The following EXD1 variants were observed in gnomAD, a reference collection of about 807,000 sequenced individuals.
EXD1 encodes exonuclease 3'-5' domain containing 1.
Under a neutral mutation model 49.1 loss-of-function variants are expected in EXD1, and 63 were observed. The ratio of observed to expected loss-of-function variants is 1.28; its 90% confidence interval spans 1.05 to 1.58. The LOEUF is 1.58. EXD1 is among the 40% of genes most tolerant of loss of function. The pLI, the probability that EXD1 is intolerant of heterozygous loss-of-function variation, is 0.00. For missense variants in EXD1, 748 were observed against 666.0 expected, an observed-to-expected ratio of 1.12 and a Z score of -1.36; for synonymous variants, 234 against 239.2, an observed-to-expected ratio of 0.98 and a Z score of 0.20.
intron 7 of EXD1, among the ~76,000 whole-genome samples, chr15:41,198,374 A>G (rs1208198917): frequency 6.6e-6 from 1 of 152,144 alleles, no homozygotes; most frequent in African/African-American, 2.4e-5. Flanking sequence ...ATTTATGCCT[A>G]CATAATGAAG....
In EXD1 at chr15:41,219,835, A is replaced by G; in HGVS notation, c.197T>C (p.Val66Ala). Residue 66 changes from valine (V) to alanine (A), a missense_variant, in exon 3 of 12, where the codon GTG becomes GCG. Coordinates refer to ENST00000458580, the MANE Select transcript of EXD1 (RefSeq NM_001286441.2). ...AAGGAACATGGGGGTCTCACCATTC[A>G]CAATCTCATGCCCAAAAAACAACTT... The part of the protein sequence containing the change: ...GVKLFFGHEI[V>A]NVELLDEVEQ... The G allele has an allele frequency of 6.5e-7, 1 of 1,535,666 alleles. No homozygotes were observed. The highest frequency in any genetic ancestry group is 1.2e-5 in the South Asian group (1 of 84,020).
intron 2 of EXD1, among the ~76,000 whole-genome samples, chr15:41,224,584 A>AT (rs1237678572): frequency 6.6e-6 from 1 of 152,056 alleles, no homozygotes; most frequent in Admixed American, 6.6e-5. Context: ...CCCTTCCCCC[A>AT]TAAAAAAAAG....
At chr15:41,199,065 T>C (rs888232884) in intron 7 of EXD1, among the ~76,000 whole-genome samples, 1 of 151,972 alleles carries the variant, frequency 6.6e-6, no homozygotes, top group Admixed American at 6.6e-5. Context: ...CTGGGAGCAA[T>C]TCTCCTGCCT....
At chr15:41,188,233 G>A (rs898035934) in intron 11 of EXD1, among the ~76,000 whole-genome samples, 1 of 151,536 alleles carries the variant, frequency 6.6e-6, no homozygotes, top group Non-Finnish European at 1.5e-5. Flanking sequence ...TCATGAGCTG[G>A]AGAAAACAGT....
Position 41,209,547 on chromosome 15 carries a change from G to C in EXD1, c.488C>G (p.Ala163Gly). ...IKKQNVLSVA[A>G]EGANVCRHGK... The stretch of plus-strand genomic sequence containing the variant: ...ATGGCGACATACATTCGCTCCTTCT[G>C]CTGCCACACTCAGGACATTCTGCTT... Residue 163 changes from alanine (A) to glycine (G), a missense_variant, in exon 7 of 12, where the codon GCA (alanine) becomes GGA (glycine). Coordinates refer to ENST00000458580, the MANE Select transcript of EXD1 (RefSeq NM_001286441.2). 6.2e-7 allele frequency: 1 copy of C among 1,614,158 alleles called. No homozygotes were observed. Among genetic ancestry groups the C allele is most frequent in the Non-Finnish European group, 8.5e-7 (1 of 1,180,036 alleles).
At chr15:41,186,302 T>A (rs2046406867) in intron 11 of EXD1, among the ~76,000 whole-genome samples, 1 of 151,804 alleles carries the variant, frequency 6.6e-6, no homozygotes, top group African/African-American at 2.4e-5. Flanking sequence ...CCAAACCCCA[T>A]CTCTACTAAA....
rs1271791721 is a variant in EXD1 at position 41,184,165 on chromosome 15, A to T, written c.1485T>A (p.Phe495Leu). Residue 495 changes from phenylalanine (F) to leucine (L), a missense_variant, in exon 12 of 12, where the codon TTT becomes TTA. Physicochemically the swap from Phe to Leu is conservative, Grantham distance 22. Transcript: ENST00000458580. ...CCTCTTTCAAAGATAAACTTGCCTG[A>T]AACTCATGTTTGGGTGTCATAAAGT... ...KEHFMTPKHE[F>L]QASLSLKEET... The T allele has an allele frequency of 1.2e-6, 2 of 1,614,094 alleles. No homozygotes were observed. The highest frequency in any genetic ancestry group is 2.2e-5 in the East Asian group (1 of 44,894).
At chr15:41,212,221 G>A (rs887009484) in intron 6 of EXD1, among the ~76,000 whole-genome samples, 9 of 151,880 alleles carry the variant, frequency 5.9e-5, no homozygotes, top group South Asian at 2.1e-4. Flanking sequence ...AGGCTGAGGC[G>A]GGCAGATCAC....
intron 2 of EXD1, among the ~76,000 whole-genome samples, chr15:41,224,279 G>T (rs1477071058): frequency 6.6e-6 from 1 of 152,110 alleles, no homozygotes; most frequent in Non-Finnish European, 1.5e-5. Context: ...CCTTATTTCT[G>T]TATGTGTCCG....
chr15:41,215,693 A>T, intron 6 of EXD1, 82 bp downstream of exon 6: 1 of 1,457,326 alleles, frequency 6.9e-7, no homozygotes, highest in Non-Finnish European at 9.6e-7. Flanking sequence ...CTCAAAAAAA[A>T]AAAGAAAGAA....
intron 1 of EXD1, among the ~76,000 whole-genome samples, chr15:41,227,506 C>G (rs1200708051): frequency 1.3e-5 from 2 of 151,634 alleles, no homozygotes; most frequent in African/African-American, 4.8e-5. Context: ...CCTGTCTTTA[C>G]TAAAAATACA....
In EXD1 at chr15:41,190,062, C is replaced by G; in HGVS notation, c.931G>C (p.Ala311Pro). The G allele has an allele frequency of 6.2e-7, 1 of 1,614,160 alleles. No homozygotes were observed. Among genetic ancestry groups the G allele is most frequent in the Non-Finnish European group, 8.5e-7 (1 of 1,180,026 alleles). ...PSLLKILALEATYLLPLRLAL... is the reference protein window; with the variant it reads ...PSLLKILALEPTYLLPLRLAL... Reference sequence around the variant, plus strand: ...AAGCGAAGGGGTAACAGGTAGGTAGCTTCCAGGGCCAAAATTTTCAGTAAA... The same window carrying G: ...AAGCGAAGGGGTAACAGGTAGGTAGGTTCCAGGGCCAAAATTTTCAGTAAA... The change falls in exon 11 of 12, where the codon GCT becomes CCT. Residue 311 changes from alanine (A) to proline (P), a missense_variant. Physicochemically the swap from Ala to Pro is conservative, Grantham distance 27 (BLOSUM62 -1). Transcript: ENST00000458580.
At chr15:41,192,652 T>C (rs1489343098) in intron 9 of EXD1, among the ~76,000 whole-genome samples, 1 of 122,188 alleles carries the variant, frequency 8.2e-6, no homozygotes, top group Non-Finnish European at 1.6e-5. Context: ...TCTTGCTCTA[T>C]CTCCCAGGAT....
intron 3 of EXD1, among the ~76,000 whole-genome samples, chr15:41,219,091 T>G (rs932764404): frequency 1.3e-5 from 2 of 152,104 alleles, no homozygotes; most frequent in African/African-American, 4.8e-5. Context: ...ACCTCCTGAG[T>G]CCTTGAAAGC....
intron 1 of EXD1, 121 bp from the exon 2 acceptor site, chr15:41,226,749 C>A: frequency 2.5e-6 from 2 of 814,412 alleles, no homozygotes; most frequent in Non-Finnish European, 3.5e-6. Context: ...TTTTGTTCAT[C>A]TTTTTGGAAT....
chr15:41,184,473 G>A lies in EXD1; in HGVS notation c.1177C>T (p.Leu393=), dbSNP rs2046373469. Residue 393 remains leucine (L), a synonymous_variant, in exon 12 of 12, where the codon CTA becomes TTA. Coordinates refer to ENST00000458580, the MANE Select transcript of EXD1 (RefSeq NM_001286441.2). ...TCTGTCACTAATTTCTTTGGCTGTA[G>A]CACTGTCCTTATCAGGAGTCCCTGT... is the stretch of plus-strand genomic sequence containing the variant. The part of the protein sequence containing the change: ...NAQGLLIRTV[L]QPKKLVTETA... 2 of 1,613,982 alleles carry A rather than the reference G, an allele frequency of 1.2e-6. No homozygotes were observed. Among genetic ancestry groups the A allele is most frequent in the African/African-American group, 2.7e-5 (2 of 74,888 alleles).
chr15:41,210,062 T>G (rs1266577949), intron 6 of EXD1, among the ~76,000 whole-genome samples: 1 of 152,106 alleles, frequency 6.6e-6, no homozygotes, highest in Non-Finnish European at 1.5e-5. Flanking sequence ...ATTACAGGCA[T>G]GCACCACCAC....
chr15:41,205,120 G>A (rs751001956), intron 7 of EXD1, among the ~76,000 whole-genome samples: 7 of 152,204 alleles, frequency 4.6e-5, no homozygotes, highest in Non-Finnish European at 8.8e-5. Context: ...TCTCATGTAC[G>A]CGTTAAATTT....
intron 2 of EXD1, among the ~76,000 whole-genome samples, chr15:41,223,391 G>T (rs72737792): frequency 6.6e-5 from 10 of 151,784 alleles, no homozygotes; most frequent in Non-Finnish European, 1.0e-4. Flanking sequence ...CTGCACTCCA[G>T]GCTGAATGAC....
Sources: allele counts gnomAD v4.1 joint callset (sites outside exome capture counted in the v4.1 genomes callset), GRCh38; gene constraint gnomAD v4.1.1; transcripts MANE v1.5; gene names NCBI Gene and HGNC (gene_info 2026-07-23, HGNC 2026-07-21).